Variants in DNAH12 observed in about 807,000 individuals in gnomAD.
DNAH12 encodes dynein axonemal heavy chain 12.
Under a neutral mutation model 371.5 loss-of-function variants are expected in DNAH12, and 285 were observed. The observed-to-expected ratio is 0.77, with a 90% CI of 0.70 to 0.85. The LOEUF is 0.85. Among genes scored for constraint, DNAH12 ranks in the 40% least tolerant of loss-of-function variants. The probability of loss-of-function intolerance (pLI) is 0.00; values close to 1 mark genes in which losing one functional copy is unlikely to be tolerated. For missense variants in DNAH12, 3,611 were observed against 3,689.4 expected (o/e 0.98, Z 0.55); for synonymous variants, 1,200 against 1,213.0 (o/e 0.99, Z 0.22).
chr3:57,448,338 G>A (rs534772298), intron 25 of DNAH12, among the ~76,000 whole-genome samples: 17 of 152,152 alleles, frequency 1.1e-4, no homozygotes, highest in East Asian at 3.9e-4. Context: ...AAGGCAGCAC[G>A]TCTGGACTTG....
At chr3:57,421,902 CTTTTTTTTTT>C (rs368757579) in intron 35 of DNAH12, among the ~76,000 whole-genome samples, 196 bp from the exon 36 acceptor site, 1 of 98,548 alleles carries the variant, frequency 1.0e-5, no homozygotes, top group African/African-American at 4.9e-5. Flanking sequence ...GTTTGCATGT[CTTTTTTTTTT>C]TTTTTTTTTT....
rs914809622 is a variant in DNAH12 at position 57,319,301 on chromosome 3, A to T, written c.10524+3042T>A. ...TTTTGTGGTTTTCTATATACATAAG[A>T]TCACATCATCTGCAAACAAGGACAA... On this transcript the variant is annotated intron_variant, in intron 65 of 73. Transcript: ENST00000495027. Among the ~76,000 whole-genome samples, 88 of 152,160 alleles carry T rather than the reference A, an allele frequency of 5.8e-4. 1 individual carries two copies. The highest frequency in any genetic ancestry group is 2.9e-4 in the Non-Finnish European group (20 of 68,022).
intron 34 of DNAH12, among the ~76,000 whole-genome samples, chr3:57,426,003 G>C (rs1045493320): frequency 2.0e-5 from 3 of 152,134 alleles, no homozygotes; most frequent in African/African-American, 2.4e-5. Flanking sequence ...GCACAAGGAG[G>C]AAAACGGGAG....
At position 57,501,345 on chromosome 3, in the gene DNAH12, A is replaced by G; in HGVS notation, c.1311T>C (p.Asp437=). The change falls in exon 11 of 74, where the codon GAT becomes GAC. Residue 437 remains aspartate, a synonymous_variant. Coordinates refer to ENST00000495027, the MANE Select transcript of DNAH12 (RefSeq NM_001366028.2). ...VENIETFQTE[D]HTFDEYTEFI... The stretch of plus-strand genomic sequence containing the variant: ...CCTCTGTATATTCATCAAAAGTATG[A>G]TCTTCTGTCTGAAAAGTCTCTATAT... The G allele has an allele frequency of 6.3e-7, 1 of 1,597,148 alleles. No homozygotes were observed. The highest frequency in any genetic ancestry group is 1.2e-5 in the South Asian group (1 of 86,634).
chr3:57,409,667 G>T (rs191343177), intron 39 of DNAH12, among the ~76,000 whole-genome samples: 1 of 152,012 alleles, frequency 6.6e-6, no homozygotes, highest in Non-Finnish European at 1.5e-5. Flanking sequence ...CCTGAAAGCA[G>T]AATTCCTAGG....
chr3:57,477,582 C>G (rs1472375784), intron 13 of DNAH12, among the ~76,000 whole-genome samples: 2 of 152,198 alleles, frequency 1.3e-5, no homozygotes, highest in African/African-American at 4.8e-5. Flanking sequence ...AATAGTGGTT[C>G]TCCCAGCATG....
At position 57,405,789 on chromosome 3, in the gene DNAH12, AG is replaced by A; in HGVS notation, c.6439del (p.Leu2147SerfsTer20). 2.6e-6 allele frequency: 4 copies of A among 1,551,700 alleles called. No homozygotes were observed. Among genetic ancestry groups the A allele is most frequent in the Non-Finnish European group, 3.5e-6 (4 of 1,146,980 alleles). On this transcript the variant is annotated frameshift_variant, in exon 41 of 74. Coordinates refer to ENST00000495027, the MANE Select transcript of DNAH12 (RefSeq NM_001366028.2). LOFTEE classifies it high-confidence loss of function. Reference sequence around the variant, plus strand: ...AATGAGGCGATCATAAAACACTCGGAGAACCTCATGCACAAACAGACGGATC... The same window carrying A: ...AATGAGGCGATCATAAAACACTCGGAAACCTCATGCACAAACAGACGGATC... ...TMIRLFVHEV[L>X]RVFYDRLIND...
At chr3:57,343,891 C>G (rs2153316534) in intron 60 of DNAH12, among the ~76,000 whole-genome samples, 1 of 152,322 alleles carries the variant, frequency 6.6e-6, no homozygotes, top group South Asian at 2.1e-4. Flanking sequence ...GGCCCACATA[C>G]ACGTCTAGGC....
intron 29 of DNAH12, among the ~76,000 whole-genome samples, chr3:57,440,344 A>G (rs1410321770): frequency 6.6e-6 from 1 of 152,262 alleles, no homozygotes; most frequent in African/African-American, 2.4e-5. Flanking sequence ...CTATGCAGCC[A>G]TAAAAAAGAA....
intron 8 of DNAH12, among the ~76,000 whole-genome samples, chr3:57,507,326 T>C (rs941133570): frequency 2.6e-5 from 4 of 152,138 alleles, no homozygotes; most frequent in African/African-American, 9.7e-5. Flanking sequence ...CAACTTGGAA[T>C]CTAATAAATT....
chr3:57,457,850 C>G lies in DNAH12; in HGVS notation c.3207G>C (p.Glu1069Asp), dbSNP rs966391307. The G allele has an allele frequency of 6.4e-7, 1 of 1,551,490 alleles. No homozygotes were observed. The highest frequency in any genetic ancestry group is 2.4e-5 in the East Asian group (1 of 40,908). The stretch of plus-strand genomic sequence containing the variant: ...GTGCAATCAGCTCCACTCGCTCGCC[C>G]TCAGAGCTATACATGGCTTTAATGT... ...NLDIKAMYSS[E>D]GERVELIALI... Residue 1069 changes from glutamate (E) to aspartate (D), a missense_variant, in exon 22 of 74, where the codon GAG becomes GAC. By Grantham distance (45) the Glu-to-Asp change is conservative. Around this residue, in one of 3 missense-constraint regions of DNAH12, gnomAD observed 1,314 missense variants for 1,398.7 expected, o/e 0.94. Coordinates refer to ENST00000495027, the MANE Select transcript of DNAH12 (RefSeq NM_001366028.2).
chr3:57,530,532 T>C (rs1012041684), intron 2 of DNAH12: 4 of 710,262 alleles, frequency 5.6e-6, no homozygotes, highest in Non-Finnish European at 1.0e-5. Flanking sequence ...ATCATATTTC[T>C]TCTAAATTTT....
At chr3:57,510,766 T>C in intron 5 of DNAH12, 24 bp downstream of exon 5, 1 of 1,606,058 alleles carries the variant, frequency 6.2e-7, no homozygotes, top group South Asian at 1.1e-5. Flanking sequence ...GAAAGAAGCC[T>C]GGTGTGTGTT....
intron 50 of DNAH12, 118 bp downstream of exon 50, chr3:57,382,144 A>T (rs2063405977): frequency 6.6e-6 from 1 of 152,180 alleles, no homozygotes; most frequent in Non-Finnish European, 1.5e-5. Context: ...ATATACAGAC[A>T]ATATCTGGAA....
chr3:57,487,865 A>C (rs543523150), intron 12 of DNAH12, among the ~76,000 whole-genome samples: 2 of 90,662 alleles, frequency 2.2e-5, no homozygotes, highest in Admixed American at 1.1e-4. Flanking sequence ...TAAACTTATA[A>C]AGTGTTTTTT....
chr3:57,548,176 G>T (rs756628768), upstream of DNAH12, among the ~76,000 whole-genome samples: 2 of 152,104 alleles, frequency 1.3e-5, no homozygotes, highest in African/African-American at 2.4e-5. Context: ...AGACACATCA[G>T]ACTTTTAGGA....
intron 15 of DNAH12, 123 bp from the exon 16 acceptor site, chr3:57,470,759 T>C: frequency 2.4e-6 from 2 of 843,622 alleles, no homozygotes; most frequent in South Asian, 4.0e-5. Context: ...TAGGCTGGAG[T>C]GCAGTGGCGT....
intron 2 of DNAH12, among the ~76,000 whole-genome samples, chr3:57,537,145 G>T (rs1489724685): frequency 6.6e-6 from 1 of 152,062 alleles, no homozygotes; most frequent in Admixed American, 6.5e-5. Context: ...AGTGAACAGA[G>T]ATCGCACCAC....
In DNAH12 at chr3:57,333,686, G is replaced by C. The variant is rs368320295; in HGVS notation, c.9978+779C>G. 2.6e-5 allele frequency among the ~76,000 whole-genome samples: 4 copies of C among 152,162 alleles called. No individual in the cohort carries two copies. In the East Asian group the frequency reaches 5.8e-4, roughly 22 times the overall value. ...TTCTTAGTTCATGGGATGGACCAAAGACATCGTGGGGCTGGATTTGGCCCA... is the reference window on the plus strand; with the variant it reads ...TTCTTAGTTCATGGGATGGACCAAACACATCGTGGGGCTGGATTTGGCCCA... On this transcript the variant is annotated intron_variant, in intron 62 of 73. Transcript: ENST00000495027.
Sources: gnomAD v4.1 joint callset for allele counts (sites outside exome capture counted in the v4.1 genomes callset) on GRCh38, gnomAD v4.1.1 for gene constraint, gnomAD v4.1.1 regional missense constraint, MANE v1.5 for transcripts, NCBI Gene and HGNC (gene_info 2026-07-23, HGNC 2026-07-21) for gene names.